The following OR3A2 variants were observed in gnomAD, a reference collection of about 807,000 sequenced individuals.
The protein encoded by OR3A2 is olfactory receptor family 3 subfamily A member 2.
For synonymous variants in OR3A2, 126 were observed against 159.3 expected, an observed-to-expected ratio of 0.79 and a Z score of 1.57; for missense variants, 318 against 392.8, an observed-to-expected ratio of 0.81 and a Z score of 1.61.
At chr17:3,292,439 G>A (rs867378787) in intron 3 of OR3A2, 1 of 1,613,920 alleles carries the variant, frequency 6.2e-7, no homozygotes, top group Non-Finnish European at 8.5e-7. Context: ...CAGCTGCCAG[G>A]ATGCTGAGGT....
chr17:3,311,084 C>A lies in OR3A2; in HGVS notation c.-85+24949G>T. 1.8e-6 allele frequency: 1 copy of A among 544,006 alleles called. No individual in the cohort carries two copies. The allele number at this position is 544,006 out of a possible 1,614,324, so 33.7% of individuals were successfully genotyped here. On this transcript the variant is annotated intron_variant, in intron 3 of 4. Transcript: ENST00000573491. The surrounding 1 kb of genome is among the most constrained non-coding windows in gnomAD (Gnocchi z 4.6). ...TGGTGGGCATCTTCTATGGGACGGG[C>A]GTCTTCAGCTACACAAGGCTGGGTT...
At chr17:3,305,534 A>G (rs1260854694) in intron 3 of OR3A2, among the ~76,000 whole-genome samples, 1 of 152,364 alleles carries the variant, frequency 6.6e-6, no homozygotes, top group East Asian at 1.9e-4. Context: ...GAGATTACTC[A>G]TGACATAGGA....
chr17:3,300,136 C>CT (rs879293427), intron 3 of OR3A2, among the ~76,000 whole-genome samples: 21 of 145,076 alleles, frequency 1.4e-4, no homozygotes, highest in Middle Eastern at 3.6e-3. Context: ...TCCCTTCCCT[C>CT]TTTTTTTTTT....
At chr17:3,308,285 T>C (rs1300451804) in intron 3 of OR3A2, among the ~76,000 whole-genome samples, 1 of 151,930 alleles carries the variant, frequency 6.6e-6, no homozygotes. Context: ...GTCAGCGGAG[T>C]TGCTTGTCCC....
rs1054422469 is a variant in OR3A2 at position 3,358,905 on chromosome 17, C to A, written c.-178-22779G>T. Among the ~76,000 whole-genome samples, 7 of 151,634 alleles carry A rather than the reference C, an allele frequency of 4.6e-5. No homozygotes were observed. The East Asian group carries it at 1.4e-3, about 29-fold the overall frequency. On this transcript the variant is annotated intron_variant, in intron 2 of 4. Coordinates refer to the OR3A2 transcript ENST00000573491. ...GTTGAAGAGTCCCCTTATTATTGTT[C>A]AAGAGTCTATGTCTCCTTGTAGGTC...
At chr17:3,377,541 C>T (rs954811546) in intron 2 of OR3A2, 8 of 152,196 alleles carry the variant, frequency 5.3e-5, no homozygotes, top group African/African-American at 1.4e-4. Flanking sequence ...CTCCTTCAGG[C>T]GTTTGTTCCT....
intron 2 of OR3A2, among the ~76,000 whole-genome samples, chr17:3,346,639 T>C (rs547834146): frequency 1.3e-5 from 2 of 152,252 alleles, no homozygotes; most frequent in East Asian, 3.9e-4. Context: ...TATTCACTCT[T>C]TCCATGGTTT....
chr17:3,368,732 T>C (rs1324906091), intron 2 of OR3A2, among the ~76,000 whole-genome samples: 3 of 152,156 alleles, frequency 2.0e-5, no homozygotes, highest in African/African-American at 7.2e-5. Context: ...TTTTTTAGGT[T>C]CCTTTTGAAT....
intron 3 of OR3A2, among the ~76,000 whole-genome samples, chr17:3,315,590 C>G (rs906337302): frequency 6.6e-6 from 1 of 152,010 alleles, no homozygotes; most frequent in African/African-American, 2.4e-5. Flanking sequence ...GGATATTAGG[C>G]CTTTGTCAGA....
intron 2 of OR3A2, among the ~76,000 whole-genome samples, chr17:3,358,188 A>T (rs548320870): frequency 2.6e-4 from 40 of 151,898 alleles, no homozygotes; most frequent in African/African-American, 9.7e-4. Flanking sequence ...TTTCTCACAA[A>T]GAAAATCCCA....
intron 3 of OR3A2, among the ~76,000 whole-genome samples, chr17:3,304,911 C>A (rs1406029085): frequency 6.6e-6 from 1 of 152,138 alleles, no homozygotes; most frequent in East Asian, 1.9e-4. Context: ...AAGGCATATG[C>A]ACTGTACGAT....
At chr17:3,277,932 G>C (rs761015918) in exon 2 of OR3A2, 2 of 1,547,356 alleles carry the variant, frequency 1.3e-6, no homozygotes, top group African/African-American at 2.7e-5. Context: ...ATTTTCCTCA[G>C]TCCAGAAAAG....
chr17:3,280,645 C>T (rs1204741666), intron 1 of OR3A2, among the ~76,000 whole-genome samples: 1 of 152,100 alleles, frequency 6.6e-6, no homozygotes, highest in East Asian at 1.9e-4. Flanking sequence ...ATAAGCCAGG[C>T]CAGAGGTTCT....
chr17:3,331,289 G>A (rs527993734), intron 3 of OR3A2, among the ~76,000 whole-genome samples: 5 of 151,946 alleles, frequency 3.3e-5, no homozygotes, highest in Non-Finnish European at 7.4e-5. Context: ...AAGTTCTCCT[G>A]GATAACATCC....
At position 3,344,396 on chromosome 17, in the gene OR3A2, GT is replaced by G. The variant is rs2049345859; in HGVS notation, c.-178-8271del. On this transcript the variant is annotated intron_variant, in intron 2 of 4. Transcript: ENST00000573491. ...TGCCAACCACAAACAAGATAGCCTT[GT>G]GGTTGTAAGACTCCAGGCCACTACT... Among the ~76,000 whole-genome samples the G allele has an allele frequency of 5.3e-5, 8 of 152,228 alleles. No homozygotes were observed. In the South Asian group the frequency reaches 1.7e-3, roughly 32 times the overall value.
chr17:3,368,660 G>T (rs1437069034), intron 2 of OR3A2, among the ~76,000 whole-genome samples: 3 of 152,078 alleles, frequency 2.0e-5, no homozygotes, highest in Non-Finnish European at 4.4e-5. Context: ...GTTATAAGTT[G>T]GGTAACGTGA....
At chr17:3,281,597 C>T (rs2048777273) in intron 1 of OR3A2, among the ~76,000 whole-genome samples, 1 of 152,128 alleles carries the variant, frequency 6.6e-6, no homozygotes, top group African/African-American at 2.4e-5. Context: ...TGAGCAGATA[C>T]TTCCAACGAC....
chr17:3,370,075 T>C (rs1356755214), intron 2 of OR3A2, among the ~76,000 whole-genome samples: 8 of 152,198 alleles, frequency 5.3e-5, no homozygotes, highest in Non-Finnish European at 1.0e-4. Flanking sequence ...AGTGCTGAGA[T>C]TACAGGTGTG....
intron 3 of OR3A2, among the ~76,000 whole-genome samples, chr17:3,306,363 G>A (rs978420426): frequency 1.3e-5 from 2 of 151,856 alleles, no homozygotes; most frequent in African/African-American, 2.4e-5. Context: ...CCCTGATCTA[G>A]AACGCCTGGC....
Sources: gnomAD v4.1 joint callset for allele counts (sites outside exome capture counted in the v4.1 genomes callset) on GRCh38, gnomAD v4.1.1 for gene constraint, Gnocchi (gnomAD v3.1) non-coding constraint, MANE v1.5 for transcripts, NCBI Gene and HGNC (gene_info 2026-07-23, HGNC 2026-07-21) for gene names.